DGKI: variants seen among roughly 807,000 people sequenced by gnomAD.
DGKI encodes DAG kinase iota.
Under a neutral mutation model 147.5 loss-of-function variants are expected in DGKI, and 55 were observed. The ratio of observed to expected loss-of-function variants is 0.37; its 90% confidence interval spans 0.30 to 0.47. The LOEUF is 0.47. DGKI is among the 20% of genes least tolerant of loss of function. DGKI has a pLI of 1.00. For missense variants in DGKI, 1,007 were observed against 1,323.8 expected, an observed-to-expected ratio of 0.76 and a Z score of 3.71; for synonymous variants, 469 against 477.1, an observed-to-expected ratio of 0.98 and a Z score of 0.22.
intron 1 of DGKI, among the ~76,000 whole-genome samples, chr7:137,835,729 T>G (rs936251880): frequency 3.3e-5 from 5 of 152,212 alleles, no homozygotes; most frequent in Non-Finnish European, 5.9e-5. Context: ...TACCAGCTAG[T>G]GATTCCAACT....
chr7:137,782,140 C>T (rs897147205), intron 1 of DGKI, among the ~76,000 whole-genome samples: 1 of 152,150 alleles, frequency 6.6e-6, no homozygotes. Context: ...CTCCTTGAGA[C>T]ACCAAAAAAC....
chr7:137,617,497 AT>A (rs933684042), intron 8 of DGKI, among the ~76,000 whole-genome samples: 9 of 152,174 alleles, frequency 5.9e-5, no homozygotes, highest in Non-Finnish European at 5.9e-5. Context: ...GATTTTTTTA[AT>A]GCTATCTTTT....
intron 1 of DGKI, among the ~76,000 whole-genome samples, chr7:137,819,313 A>ATTTT (rs368399753): frequency 7.0e-6 from 1 of 143,722 alleles, no homozygotes; most frequent in African/African-American, 2.5e-5. Flanking sequence ...CTACAAGGGA[A>ATTTT]TTTTTTTTTT....
chr7:137,713,851 T>G (rs564682556), intron 1 of DGKI, among the ~76,000 whole-genome samples: 1 of 152,202 alleles, frequency 6.6e-6, no homozygotes, highest in South Asian at 2.1e-4. Flanking sequence ...GTTGCCCAGG[T>G]TGGTCTCAAA....
At chr7:137,520,370 T>C (rs1816920390) in intron 21 of DGKI, among the ~76,000 whole-genome samples, 1 of 152,146 alleles carries the variant, frequency 6.6e-6, no homozygotes, top group African/African-American at 2.4e-5. Flanking sequence ...GAACTCAATT[T>C]AATTTGCATT....
chr7:137,638,632 G>GTAGATATACACATATATGTA lies in DGKI; in HGVS notation c.804+6839_804+6840insTACATATATGTGTATATCTA. 6.4e-5 allele frequency among the ~76,000 whole-genome samples: 2 copies of GTAGATATACACATATATGTA among 31,486 alleles called. 1 individual carries two copies. Among genetic ancestry groups the GTAGATATACACATATATGTA allele is most frequent in the Non-Finnish European group, 9.6e-5 (2 of 20,856 alleles). The allele number at this position is 31,486 out of a possible 152,430, so 20.7% of individuals were successfully genotyped here. On this transcript the variant is annotated intron_variant, in intron 6 of 32. Coordinates refer to ENST00000614521, the MANE Select transcript of DGKI (RefSeq NM_001321708.2). ...TATATACACACACACATATATATGTGTGTATATATGTGTATGTATATACAC... is the reference window on the plus strand; with the variant it reads ...TATATACACACACACATATATATGTGTAGATATACACATATATGTATGTATATATGTGTATGTATATACAC...
At chr7:137,453,896 C>A (rs1356365631) in intron 27 of DGKI, among the ~76,000 whole-genome samples, 1 of 151,832 alleles carries the variant, frequency 6.6e-6, no homozygotes, top group Admixed American at 6.6e-5. Context: ...CTTGATGACC[C>A]CCATGTGAGC....
chr7:137,804,932 G>A (rs1273382638), intron 1 of DGKI, among the ~76,000 whole-genome samples: 1 of 152,088 alleles, frequency 6.6e-6, no homozygotes, highest in East Asian at 1.9e-4. Flanking sequence ...CATTTTCTGA[G>A]TCTGTGTTTT....
Position 137,383,996 on chromosome 7 carries a change from A to C in DGKI, c.*7224T>G, listed in dbSNP as rs1158739580. On this transcript the variant is annotated 3_prime_UTR_variant, in exon 33 of 33. Coordinates refer to ENST00000614521, the MANE Select transcript of DGKI (RefSeq NM_001321708.2). ...CTTCAAATATGCCGGAATTTCCCAT[A>C]GGTGTATTAAACCTCTATGTATATG... 1 of 152,042 alleles carries C rather than the reference A, an allele frequency of 6.6e-6. No individual in the cohort carries two copies. The allele number at this position is 152,042 out of a possible 1,614,324, so 9.4% of individuals were successfully genotyped here.
At chr7:137,454,694 A>G (rs111595357) in intron 27 of DGKI, 1 of 152,166 alleles carries the variant, frequency 6.6e-6, no homozygotes, top group Non-Finnish European at 1.5e-5. Context: ...ACTTTCTAAA[A>G]AAAAGGGTGA....
rs537287789 is a variant in DGKI, at chr7:137,695,143, C to A, written c.402-5141G>T. Among the ~76,000 whole-genome samples, 3 of 152,308 alleles carry A rather than the reference C, an allele frequency of 2.0e-5. 1 individual carries two copies. Among genetic ancestry groups the A allele is most frequent in the East Asian group, 3.9e-4 (2 of 5,178 alleles). ...TGATTCTCCAACATTGGTACTCAACCTTTGCCTACCATGGGGTTTAAGAAT... is the reference window on the plus strand; with the variant it reads ...TGATTCTCCAACATTGGTACTCAACATTTGCCTACCATGGGGTTTAAGAAT... On this transcript the variant is annotated intron_variant, in intron 1 of 32. Transcript: ENST00000614521.
intron 6 of DGKI, among the ~76,000 whole-genome samples, chr7:137,628,805 C>T (rs949294683): frequency 1.3e-5 from 2 of 152,074 alleles, no homozygotes; most frequent in African/African-American, 4.8e-5. Flanking sequence ...ATTCTGAGTA[C>T]TAAAGTTTTG....
chr7:137,410,226 AAAC>A (rs1177833277), intron 29 of DGKI, among the ~76,000 whole-genome samples: 1 of 152,120 alleles, frequency 6.6e-6, no homozygotes, highest in Non-Finnish European at 1.5e-5. Context: ...TAACACGGTG[AAAC>A]CCCGTCTCAA....
chr7:137,411,149 C>T (rs1287250667), intron 29 of DGKI, among the ~76,000 whole-genome samples: 1 of 152,176 alleles, frequency 6.6e-6, no homozygotes, highest in African/African-American at 2.4e-5. Context: ...CCTTGATCTG[C>T]AATGGCACCT....
intron 1 of DGKI, among the ~76,000 whole-genome samples, chr7:137,693,963 G>T (rs1823695651): frequency 6.6e-6 from 1 of 152,192 alleles, no homozygotes; most frequent in Non-Finnish European, 1.5e-5. Flanking sequence ...ATATGATAGT[G>T]TTAATATTTT....
intron 1 of DGKI, among the ~76,000 whole-genome samples, chr7:137,764,497 TC>T (rs772104005): frequency 6.6e-6 from 1 of 152,194 alleles, no homozygotes; most frequent in Non-Finnish European, 1.5e-5. Context: ...TTCATTTCGT[TC>T]ATTTCCACCC....
At chr7:137,419,136 C>T (rs561143605) in intron 28 of DGKI, among the ~76,000 whole-genome samples, 1 of 152,286 alleles carries the variant, frequency 6.6e-6, no homozygotes, top group African/African-American at 2.4e-5. Flanking sequence ...TGCTGTTTCT[C>T]CTCTGTTTAA....
Position 137,605,438 on chromosome 7 carries a change from C to T in DGKI, c.1167+3528G>A, listed in dbSNP as rs115115309. Among the ~76,000 whole-genome samples, 78 of 151,580 alleles carry T rather than the reference C, an allele frequency of 5.1e-4. 1 individual carries two copies. Among genetic ancestry groups the T allele is most frequent in the African/African-American group, 1.8e-3 (76 of 41,420 alleles). On this transcript the variant is annotated intron_variant, in intron 10 of 32. Transcript: ENST00000614521. ...AAGTCAAATCCCAATAAAATAATAG[C>T]AGCAGTGCTACCAAGCTCTACAGCT...
At chr7:137,698,561 C>CT (rs1823872662) in intron 1 of DGKI, among the ~76,000 whole-genome samples, 1 of 152,108 alleles carries the variant, frequency 6.6e-6, no homozygotes, top group Admixed American at 6.5e-5. Flanking sequence ...CAGAGATCTT[C>CT]TTGTGTCAGA....
Sources: allele counts gnomAD v4.1 joint callset (sites outside exome capture counted in the v4.1 genomes callset), GRCh38; gene constraint gnomAD v4.1.1; transcripts MANE v1.5; gene names NCBI Gene and HGNC (gene_info 2026-07-23, HGNC 2026-07-21).